SHOC2: variants seen among roughly 807,000 people sequenced by gnomAD.
SHOC2 encodes SHOC2 leucine rich repeat scaffold protein.
Under a neutral mutation model 50.2 loss-of-function variants are expected in SHOC2, and 4 were observed. The ratio of observed to expected loss-of-function variants is 0.08; its 90% confidence interval spans 0.04 to 0.18. SHOC2 has a LOEUF of 0.18. Ranked by LOEUF, SHOC2 falls within the 10% of genes least tolerant of loss-of-function variation. SHOC2 has a pLI of 1.00. For missense variants in SHOC2, 388 were observed against 669.6 expected (o/e 0.58, Z 4.64); for synonymous variants, 218 against 244.5 (o/e 0.89, Z 1.01).
intron 1 of SHOC2, chr10:110,937,210 C>T (rs1346826896): frequency 6.8e-7 from 1 of 1,464,654 alleles, no homozygotes; most frequent in Admixed American, 1.7e-5. Context: ...GACCATCAAG[C>T]ACCAGGACCT....
At chr10:110,924,561 AT>A (rs1283260622) in intron 1 of SHOC2, among the ~76,000 whole-genome samples, 1 of 152,180 alleles carries the variant, frequency 6.6e-6, no homozygotes, top group South Asian at 2.1e-4. Context: ...ATTATTAATA[AT>A]AATATTTCTT....
chr10:110,968,250 A>G (rs925790276), intron 2 of SHOC2, among the ~76,000 whole-genome samples: 1 of 152,080 alleles, frequency 6.6e-6, no homozygotes, highest in Non-Finnish European at 1.5e-5. Flanking sequence ...GCTATCTTTT[A>G]TTGTAACGGA....
intron 1 of SHOC2, among the ~76,000 whole-genome samples, chr10:110,940,506 A>G (rs571790836): frequency 2.6e-5 from 4 of 152,312 alleles, no homozygotes; most frequent in South Asian, 4.1e-4. Flanking sequence ...TCAAAGTATA[A>G]TGTGATTTTG....
intron 1 of SHOC2, among the ~76,000 whole-genome samples, chr10:110,933,739 A>G (rs905696794): frequency 6.6e-6 from 1 of 152,216 alleles, no homozygotes; most frequent in African/African-American, 2.4e-5. Context: ...TCAAGGCTGC[A>G]GTGCACACTG....
chr10:110,941,379 T>G (rs186556908), intron 1 of SHOC2, among the ~76,000 whole-genome samples: 27 of 152,056 alleles, frequency 1.8e-4, no homozygotes, highest in African/African-American at 6.3e-4. Context: ...TTGCCCAGGC[T>G]GGAGTGTAGT....
Position 110,940,939 on chromosome 10 carries a change from T to A in SHOC2, c.-235+21282T>A, listed in dbSNP as rs977044783. On this transcript the variant is annotated intron_variant, in intron 1 of 8. Coordinates refer to ENST00000369452, the MANE Select transcript of SHOC2 (RefSeq NM_007373.4). ...TTTTTTTTTTTTTTTTTTTTTTTTT[T>A]TTTTTTTTTGTGACAGGGTCTAGCT... Among the ~76,000 whole-genome samples, 2 of 51,680 alleles carry A rather than the reference T, an allele frequency of 3.9e-5. 1 individual carries two copies. The highest frequency in any genetic ancestry group is 1.5e-4 in the African/African-American group (2 of 13,246). 33.9% of individuals were successfully genotyped at this position (51,680 alleles called of 152,430 possible).
intron 3 of SHOC2, among the ~76,000 whole-genome samples, chr10:110,993,149 T>G (rs1435664210): frequency 6.6e-6 from 1 of 152,232 alleles, no homozygotes; most frequent in Non-Finnish European, 1.5e-5. Flanking sequence ...TGCCAGTGAT[T>G]GGCAGTGATC....
chr10:110,997,529 T>C (rs79553313), intron 3 of SHOC2, among the ~76,000 whole-genome samples: 1 of 106,158 alleles, frequency 9.4e-6, no homozygotes, highest in African/African-American at 4.7e-5. Context: ...TTTATCATGC[T>C]TTTTCCCCCC....
At chr10:110,999,378 A>G (rs558024046) in intron 3 of SHOC2, among the ~76,000 whole-genome samples, 44 of 152,340 alleles carry the variant, frequency 2.9e-4, no homozygotes, top group African/African-American at 9.1e-4. Flanking sequence ...ATATGATAGC[A>G]GATGTCATTA....
chr10:110,970,917 T>C (rs1205957667), intron 2 of SHOC2, among the ~76,000 whole-genome samples: 2 of 152,104 alleles, frequency 1.3e-5, no homozygotes, highest in South Asian at 2.1e-4. Context: ...AATCACATAA[T>C]GATGATTATT....
At chr10:110,946,465 T>C (rs1226208637) in intron 1 of SHOC2, among the ~76,000 whole-genome samples, 1 of 151,126 alleles carries the variant, frequency 6.6e-6, no homozygotes, top group Non-Finnish European at 1.5e-5. Context: ...AGGGAGATGA[T>C]AGACAAAATA....
chr10:110,978,996 T>C (rs1847924849), intron 2 of SHOC2, among the ~76,000 whole-genome samples: 1 of 152,254 alleles, frequency 6.6e-6, no homozygotes, highest in African/African-American at 2.4e-5. Context: ...AGATAACTCT[T>C]ATAACAACAA....
chr10:110,985,778 A>G lies in SHOC2; in HGVS notation c.841+13A>G, dbSNP rs1848065425. On this transcript the variant is annotated intron_variant, in intron 3 of 8. Transcript: ENST00000369452. ...CCAGATACTATAGGTATGAGAGGAG[A>G]AAGGAGATATTGATAGCTGTTAATA... The G allele has an allele frequency of 6.2e-7, 1 of 1,610,252 alleles. No homozygotes were observed. Among genetic ancestry groups the G allele is most frequent in the Admixed American group, 1.7e-5 (1 of 59,970 alleles).
At chr10:110,943,919 A>G (rs1590788828) in intron 1 of SHOC2, among the ~76,000 whole-genome samples, 1 of 152,140 alleles carries the variant, frequency 6.6e-6, no homozygotes, top group Admixed American at 6.5e-5. Context: ...TCTTTCAACC[A>G]ACTCTTTTAG....
At chr10:110,977,329 G>A (rs983503651) in intron 2 of SHOC2, among the ~76,000 whole-genome samples, 3 of 151,680 alleles carry the variant, frequency 2.0e-5, no homozygotes, top group Admixed American at 6.6e-5. Flanking sequence ...TCGGCCCACC[G>A]CAGTCTCTGC....
chr10:110,993,757 T>C (rs1341073767), intron 3 of SHOC2, among the ~76,000 whole-genome samples: 1 of 152,200 alleles, frequency 6.6e-6, no homozygotes, highest in Non-Finnish European at 1.5e-5. Context: ...GGATGAGAAA[T>C]TTCAAGAATC....
intron 7 of SHOC2, 148 bp from the exon 8 acceptor site, chr10:111,009,565 A>C (rs1205315533): frequency 1.3e-6 from 1 of 798,854 alleles, no homozygotes; most frequent in Non-Finnish European, 2.0e-6. Flanking sequence ...GTATTTTGTG[A>C]AAGAAAAATA....
chr10:111,002,088 C>T (rs551104580), intron 4 of SHOC2, among the ~76,000 whole-genome samples: 1 of 152,070 alleles, frequency 6.6e-6, no homozygotes, highest in East Asian at 1.9e-4. Context: ...GGATATATAT[C>T]CAGTCTTATT....
At chr10:110,925,980 T>C (rs1846763132) in intron 1 of SHOC2, among the ~76,000 whole-genome samples, 1 of 152,208 alleles carries the variant, frequency 6.6e-6, no homozygotes, top group South Asian at 2.1e-4. Flanking sequence ...TCATTTATCT[T>C]GAGATTACTT....
Sources: gnomAD v4.1 joint callset for allele counts (sites outside exome capture counted in the v4.1 genomes callset) on GRCh38, gnomAD v4.1.1 for gene constraint, MANE v1.5 for transcripts, NCBI Gene and HGNC (gene_info 2026-07-23, HGNC 2026-07-21) for gene names.